Variants in ADAMTSL3 observed in about 807,000 individuals in gnomAD.
ADAMTSL3 encodes the protein ADAMTS like 3, also known as ADAMTS-like protein 3.
In ADAMTSL3, 128 loss-of-function variants were observed where a neutral mutation model predicts 201.7. The observed-to-expected ratio is 0.63, with a 90% CI of 0.55 to 0.73. The LOEUF is 0.73. ADAMTSL3 is among the 30% of genes least tolerant of loss of function. The pLI is 0.00. For synonymous variants in ADAMTSL3, 738 were observed against 748.4 expected, an observed-to-expected ratio of 0.99 and a Z score of 0.23; for missense variants, 1,990 against 2,119.6, an observed-to-expected ratio of 0.94 and a Z score of 1.20.
intron 12 of ADAMTSL3, 23 bp downstream of exon 12, chr15:83,891,402 C>T: frequency 6.2e-7 from 1 of 1,606,030 alleles, no homozygotes; most frequent in Non-Finnish European, 8.5e-7. Context: ...TTTCCTTTTC[C>T]TTTTTGCAAT....
intron 4 of ADAMTSL3, among the ~76,000 whole-genome samples, chr15:83,787,037 A>G (rs1312280333): frequency 2.0e-5 from 3 of 152,164 alleles, no homozygotes; most frequent in Admixed American, 6.5e-5. Context: ...TCTTTTGCCA[A>G]TGCTCTTCTT....
chr15:83,731,859 C>T (rs2062280145), intron 3 of ADAMTSL3, among the ~76,000 whole-genome samples: 1 of 151,978 alleles, frequency 6.6e-6, no homozygotes. Context: ...ACTGCATGAT[C>T]TCACTTATAC....
rs1411742216 is a variant in ADAMTSL3, at chr15:83,739,858, C to T, written c.190-33665C>T. 5.0e-6 allele frequency: 3 copies of T among 600,702 alleles called. No individual in the cohort carries two copies. The East Asian group carries it at 1.4e-4, about 27-fold the overall frequency. 37.2% of individuals were successfully genotyped at this position (600,702 alleles called of 1,614,324 possible). ...GCAATGCCTGCTGGGAGTTCTACTG[C>T]CTGGAACACAGCATCCTGCCTGACG... On this transcript the variant is annotated intron_variant, in intron 3 of 29. Transcript: ENST00000286744.
intron 16 of ADAMTSL3, 98 bp downstream of exon 16, chr15:83,913,476 G>A (rs1317468905): frequency 8.0e-6 from 10 of 1,244,274 alleles, no homozygotes; most frequent in Non-Finnish European, 8.9e-6. Flanking sequence ...ATTAGCAAAA[G>A]TCTAAAGGAG....
At chr15:83,813,284 C>G (rs887517229) in intron 5 of ADAMTSL3, among the ~76,000 whole-genome samples, 6 of 152,256 alleles carry the variant, frequency 3.9e-5, no homozygotes, top group African/African-American at 1.4e-4. Flanking sequence ...AGGAAATCCT[C>G]CATGGCTATT....
intron 5 of ADAMTSL3, among the ~76,000 whole-genome samples, chr15:83,819,166 G>A (rs946773582): frequency 6.6e-6 from 1 of 151,768 alleles, no homozygotes; most frequent in East Asian, 1.9e-4. Context: ...GCTACTCAGG[G>A]GGGCTGAAGC....
intron 28 of ADAMTSL3, among the ~76,000 whole-genome samples, chr15:84,035,868 C>T (rs545577258): frequency 2.8e-4 from 43 of 152,244 alleles, no homozygotes; most frequent in African/African-American, 9.6e-4. Flanking sequence ...GTTTCTGCTT[C>T]ATTATTTGCT....
At chr15:83,672,611 T>C (rs1194654847) in intron 2 of ADAMTSL3, among the ~76,000 whole-genome samples, 3 of 152,124 alleles carry the variant, frequency 2.0e-5, no homozygotes, top group Non-Finnish European at 4.4e-5. Flanking sequence ...ATTCCTCCAG[T>C]TGAGAGAGAA....
At chr15:83,964,753 A>G (rs765082577) in intron 19 of ADAMTSL3, among the ~76,000 whole-genome samples, 2 of 152,222 alleles carry the variant, frequency 1.3e-5, no homozygotes, top group African/African-American at 4.8e-5. Flanking sequence ...GAAGGAAAAA[A>G]TGTTAAGGGC....
intron 2 of ADAMTSL3, among the ~76,000 whole-genome samples, chr15:83,666,153 T>C (rs1371603436): frequency 6.6e-6 from 1 of 152,188 alleles, no homozygotes; most frequent in Admixed American, 6.5e-5. Context: ...ATACTCCATT[T>C]TGATAACTAT....
At chr15:83,953,854 A>G (rs1029586048) in intron 19 of ADAMTSL3, among the ~76,000 whole-genome samples, 10 of 152,136 alleles carry the variant, frequency 6.6e-5, no homozygotes, top group African/African-American at 2.2e-4. Flanking sequence ...TAAATATGTC[A>G]TGCCACTCTC....
chr15:83,965,170 C>A (rs1430572672), intron 19 of ADAMTSL3, among the ~76,000 whole-genome samples: 1 of 152,082 alleles, frequency 6.6e-6, no homozygotes, highest in Non-Finnish European at 1.5e-5. Flanking sequence ...TCACACATAA[C>A]AATGTTAACA....
At chr15:83,892,226 C>CTAAATTAATTAAAATTAAT (rs2065515600) in intron 12 of ADAMTSL3, among the ~76,000 whole-genome samples, 1 of 141,180 alleles carries the variant, frequency 7.1e-6, no homozygotes, top group South Asian at 2.3e-4. Flanking sequence ...AAAAAAAAAA[C>CTAAATTAATTAAAATTAAT]TAAATTAATT....
intron 8 of ADAMTSL3, among the ~76,000 whole-genome samples, chr15:83,868,801 C>G (rs973992101): frequency 6.6e-6 from 1 of 152,076 alleles, no homozygotes; most frequent in African/African-American, 2.4e-5. Context: ...TTTTTATATC[C>G]ATGTCACTGA....
At chr15:83,818,181 A>C (rs2141902513) in intron 5 of ADAMTSL3, among the ~76,000 whole-genome samples, 1 of 152,328 alleles carries the variant, frequency 6.6e-6, no homozygotes, top group African/African-American at 2.4e-5. Flanking sequence ...CTTGGTAAAT[A>C]ATCAAGATTT....
intron 3 of ADAMTSL3, among the ~76,000 whole-genome samples, chr15:83,707,319 G>C (rs754143121): frequency 1.3e-5 from 2 of 152,128 alleles, no homozygotes; most frequent in Non-Finnish European, 2.9e-5. Context: ...TTTAGCTATT[G>C]TTATTACTAA....
chr15:83,707,860 G>A (rs958604915), intron 3 of ADAMTSL3, among the ~76,000 whole-genome samples: 5 of 152,186 alleles, frequency 3.3e-5, no homozygotes, highest in African/African-American at 1.2e-4. Flanking sequence ...ACAAATTGCA[G>A]CATACTGGGT....
chr15:83,795,755 G>C (rs982332558), intron 4 of ADAMTSL3, among the ~76,000 whole-genome samples: 11 of 152,040 alleles, frequency 7.2e-5, no homozygotes, highest in African/African-American at 2.7e-4. Flanking sequence ...AAACATTTAC[G>C]TGGGAAATTA....
intron 15 of ADAMTSL3, among the ~76,000 whole-genome samples, chr15:83,904,582 A>G (rs7179150): frequency 0.015 from 2,351 of 152,328 alleles, 60 homozygotes; most frequent in African/African-American, 0.051. Flanking sequence ...TTTTTTTAAA[A>G]TTAGGAAAAT....
Sources: allele counts gnomAD v4.1 joint callset (sites outside exome capture counted in the v4.1 genomes callset), GRCh38; gene constraint gnomAD v4.1.1; transcripts MANE v1.5; gene names NCBI Gene and HGNC (gene_info 2026-07-23, HGNC 2026-07-21).